Variants in FAT1 observed in about 807,000 individuals in gnomAD.
FAT1 encodes FAT atypical cadherin 1, also known as protocadherin Fat 1.
In FAT1, 171 loss-of-function variants were observed where a neutral mutation model predicts 329.8. That is an observed-to-expected ratio of 0.52 (90% confidence interval 0.46 to 0.59). The LOEUF (loss-of-function observed/expected upper bound fraction) is 0.59. Among genes scored for constraint, FAT1 ranks in the 20% least tolerant of loss-of-function variants. FAT1 has a pLI of 0.00. For missense variants in FAT1, 5,672 were observed against 5,774.4 expected, an observed-to-expected ratio of 0.98 and a Z score of 0.57; for synonymous variants, 2,233 against 2,228.6, an observed-to-expected ratio of 1.00 and a Z score of -0.06.
In FAT1 at chr4:186,628,318, A is replaced by C. The variant is rs2126542981; in HGVS notation, c.4646T>G (p.Val1549Gly). 1.2e-6 allele frequency: 2 copies of C among 1,613,512 alleles called. No homozygotes were observed. Among genetic ancestry groups the C allele is most frequent in the Non-Finnish European group, 1.7e-6 (2 of 1,179,678 alleles). ...GTCATTCGTGTCGCTGACATTGACC[A>C]CAATCCTTGCAAAGTTGCGTTTTAC... ...VPVKRNFARI[V>G]VNVSDTNDHA... The change falls in exon 9 of 27, where the codon GTG (valine) becomes GGG (glycine). Residue 1549 changes from valine to glycine, a missense_variant. Physicochemically the swap from Val to Gly is moderately radical, Grantham distance 109 (BLOSUM62 -3). This residue lies in a region of FAT1 where 3,966 missense variants were observed against 3,915.2 expected (regional missense o/e 1.01). Coordinates refer to ENST00000441802, the MANE Select transcript of FAT1 (RefSeq NM_005245.4).
Position 186,596,420 on chromosome 4 carries a change from G to A in FAT1, c.13000+120C>T. 1.7e-6 allele frequency: 2 copies of A among 1,143,178 alleles called. No individual in the cohort carries two copies. The highest frequency in any genetic ancestry group is 2.5e-6 in the Non-Finnish European group (2 of 816,102). 70.8% of individuals were successfully genotyped at this position (1,143,178 alleles called of 1,614,324 possible). On this transcript the variant is annotated intron_variant, in intron 25 of 26. Transcript: ENST00000441802. The surrounding 1 kb of genome is among the most constrained non-coding windows in gnomAD (Gnocchi z 4.7). ...CAAAAAAGTTTCAAATCATCATACG[G>A]ATTTCAGTCTGAGCATACTTGTCTC...
rs1401735284 is a variant in FAT1, at chr4:186,613,115, C to A, written c.9457G>T (p.Asp3153Tyr). The change falls in exon 13 of 27, where the codon GAC (aspartate) becomes TAC (tyrosine). Residue 3153 changes from aspartate (D) to tyrosine (Y), a missense_variant. By Grantham distance (160) the Asp-to-Tyr change is radical. Coordinates refer to ENST00000441802, the MANE Select transcript of FAT1 (RefSeq NM_005245.4). ...LLTRVQATDA[D>Y]AGLNRKILYS... The stretch of plus-strand genomic sequence containing the variant: ...GAGCATTCCCGGGAGATACCTGCGT[C>A]GGCATCTGTGGCCTGCACTCTTGTC... 1 of 1,605,926 alleles carries A rather than the reference C, an allele frequency of 6.2e-7. No homozygotes were observed. The highest frequency in any genetic ancestry group is 1.3e-5 in the African/African-American group (1 of 74,816).
chr4:186,618,819 G>T lies in FAT1; in HGVS notation c.7767C>A (p.Asp2589Glu). 6.2e-7 allele frequency: 1 copy of T among 1,614,004 alleles called. No individual in the cohort carries two copies. The highest frequency in any genetic ancestry group is 8.5e-7 in the Non-Finnish European group (1 of 1,179,882). ...CTCGAAATTGTGGTGCATTGTCATT[G>T]TCATCTGTAAGGATGACATTCACGG... ...FCTVNVILTD[D>E]NDNAPQFRAT... The change falls in exon 10 of 27, where the codon GAC (aspartate) becomes GAA (glutamate). Residue 2589 changes from aspartate to glutamate, a missense_variant. Asp to Glu is a conservative substitution (Grantham distance 45). This residue lies in a region of FAT1 where 3,966 missense variants were observed against 3,915.2 expected (regional missense o/e 1.01). Transcript: ENST00000441802.
chr4:186,627,995 T>C (rs1317889846), intron 9 of FAT1, 159 bp downstream of exon 9: 3 of 783,478 alleles, frequency 3.8e-6, no homozygotes, highest in Middle Eastern at 3.2e-4. Flanking sequence ...AAAAAAAAAA[T>C]TCCTTTCTCC....
Position 186,707,532 on chromosome 4 carries a change from T to G in FAT1, c.2296A>C (p.Met766Leu), listed in dbSNP as rs1432396432. The change falls in exon 2 of 27, where the codon ATG (methionine) becomes CTG (leucine). Residue 766 changes from methionine (M) to leucine (L), a missense_variant. Transcript: ENST00000441802. ...VSGGNEDSCFMIDMETGMLKI... is the reference protein window; with the variant it reads ...VSGGNEDSCFLIDMETGMLKI... ...AGCATTCCTGTTTCCATATCAATCA[T>G]GAAGCAACTATCCTCATTTCCTCCA... The G allele has an allele frequency of 6.2e-7, 1 of 1,614,048 alleles. No individual in the cohort carries two copies. The highest frequency in any genetic ancestry group is 8.5e-7 in the Non-Finnish European group (1 of 1,179,902).
chr4:186,638,571 G>A (rs552963677), intron 4 of FAT1, among the ~76,000 whole-genome samples: 1 of 151,942 alleles, frequency 6.6e-6, no homozygotes, highest in African/African-American at 2.4e-5. Flanking sequence ...AAAGCACTGT[G>A]GCTGTGAAAC....
At chr4:186,702,244 G>A (rs946238357) in intron 2 of FAT1, among the ~76,000 whole-genome samples, 4 of 152,176 alleles carry the variant, frequency 2.6e-5, no homozygotes, top group Non-Finnish European at 4.4e-5. Flanking sequence ...TTGTGACAAC[G>A]GCTGTACTTC....
rs780925038 is a variant in FAT1, at chr4:186,621,277, T to C, written c.5309A>G (p.Tyr1770Cys). 7.6e-5 allele frequency: 122 copies of C among 1,613,944 alleles called. 1 individual carries two copies. The highest frequency in any genetic ancestry group is 2.0e-4 in the Admixed American group (12 of 60,012). ...GGCTGATTCACTAATGAGTCCTGTA[T>C]ATTCTGCCTGCATAAAAACTGGCGC... is the stretch of plus-strand genomic sequence containing the variant. Reference protein sequence around the residue: ...DNAPVFMQAEYTGLISESASI... With the variant: ...DNAPVFMQAECTGLISESASI... Residue 1770 changes from tyrosine (Y) to cysteine (C), a missense_variant, in exon 10 of 27, where the codon TAT becomes TGT. Tyr to Cys is a radical substitution (Grantham distance 194). Around this residue, in one of 2 missense-constraint regions of FAT1, gnomAD observed 3,966 missense variants for 3,915.2 expected, o/e 1.01. Transcript: ENST00000441802.
chr4:186,611,604 G>A lies in FAT1; in HGVS notation c.9635C>T (p.Ala3212Val), dbSNP rs1157129991. ...AACTGATACAATCACAGTGCCAGTG[G>A]CAGTCAGCCTCCTTGGCAAGCCTTG... ...VDQGLPRRLT[A>V]TGTVIVSVLD... The change falls in exon 14 of 27, where the codon GCC becomes GTC. Residue 3212 changes from alanine to valine, a missense_variant. Ala to Val is a moderately conservative substitution (Grantham distance 64). This residue lies in a region of FAT1 where 1,706 missense variants were observed against 1,859.1 expected (regional missense o/e 0.92). Transcript: ENST00000441802. The A allele has an allele frequency of 6.2e-7, 1 of 1,613,598 alleles. No individual in the cohort carries two copies. Among genetic ancestry groups the A allele is most frequent in the South Asian group, 1.1e-5 (1 of 91,024 alleles).
chr4:186,651,819 C>T (rs923740019), intron 3 of FAT1, among the ~76,000 whole-genome samples: 3 of 152,208 alleles, frequency 2.0e-5, no homozygotes, highest in African/African-American at 4.8e-5. Context: ...AGCACCGCAC[C>T]GTCTTTACTC....
intron 26 of FAT1, among the ~76,000 whole-genome samples, chr4:186,593,436 C>T (rs370161438): frequency 3.9e-5 from 6 of 152,182 alleles, no homozygotes; most frequent in African/African-American, 7.2e-5. Context: ...AAATAGTCCA[C>T]GTCCTAATCC....
intron 20 of FAT1, among the ~76,000 whole-genome samples, chr4:186,602,607 A>T (rs922065947): frequency 6.6e-6 from 1 of 152,196 alleles, no homozygotes; most frequent in African/African-American, 2.4e-5. Context: ...GTGAGATATG[A>T]TCACTCTTGA....
At position 186,620,822 on chromosome 4, in the gene FAT1, T is replaced by C; in HGVS notation, c.5764A>G (p.Asn1922Asp). 6.2e-7 allele frequency: 1 copy of C among 1,614,052 alleles called. No homozygotes were observed. The highest frequency in any genetic ancestry group is 8.5e-7 in the Non-Finnish European group (1 of 1,179,906). ...TCCATAGAAAACTTCTCCCCGATGT[T>C]GCCTTCGGTGATGGAGTAAATCAAC... ...SQLIYSITEG[N>D]IGEKFSMDYK... is the part of the protein sequence containing the mutation. The change falls in exon 10 of 27, where the codon AAC (asparagine) becomes GAC (aspartate). Residue 1922 changes from asparagine (N) to aspartate (D), a missense_variant. Physicochemically the swap from Asn to Asp is conservative, Grantham distance 23. Transcript: ENST00000441802.
At chr4:186,661,399 G>A (rs1742163972) in intron 3 of FAT1, among the ~76,000 whole-genome samples, 1 of 152,190 alleles carries the variant, frequency 6.6e-6, no homozygotes, top group African/African-American at 2.4e-5. Flanking sequence ...ACAGGCCTTT[G>A]TCAACCACAT....
At chr4:186,659,442 A>G (rs2126609383) in intron 3 of FAT1, among the ~76,000 whole-genome samples, 1 of 152,354 alleles carries the variant, frequency 6.6e-6, no homozygotes, top group Non-Finnish European at 1.5e-5. Context: ...AAGTGGGCCC[A>G]CTTTATTCTA....
intron 9 of FAT1, among the ~76,000 whole-genome samples, chr4:186,624,201 A>G (rs910094155): frequency 1.5e-5 from 2 of 133,008 alleles, no homozygotes; most frequent in African/African-American, 2.8e-5. Flanking sequence ...CTTTAGCTAC[A>G]ATATGAGTGA....
At chr4:186,652,906 TTTAG>T (rs1373149354) in intron 3 of FAT1, among the ~76,000 whole-genome samples, 1 of 152,246 alleles carries the variant, frequency 6.6e-6, no homozygotes, top group Non-Finnish European at 1.5e-5. Flanking sequence ...TACTGCGTGC[TTTAG>T]GGATTACCAC....
chr4:186,644,235 C>T (rs566822931), intron 3 of FAT1, among the ~76,000 whole-genome samples: 2 of 151,976 alleles, frequency 1.3e-5, no homozygotes, highest in African/African-American at 2.4e-5. Flanking sequence ...TAAACTGTAA[C>T]GAAAAAACCA....
intron 9 of FAT1, among the ~76,000 whole-genome samples, chr4:186,625,852 G>A (rs370669612): frequency 1.3e-5 from 2 of 152,224 alleles, no homozygotes; most frequent in African/African-American, 2.4e-5. Flanking sequence ...TACAAGACAC[G>A]CATTGTGGAC....
Sources: gnomAD v4.1 joint callset for allele counts (sites outside exome capture counted in the v4.1 genomes callset) on GRCh38, gnomAD v4.1.1 for gene constraint, gnomAD v4.1.1 regional missense constraint, Gnocchi (gnomAD v3.1) non-coding constraint, MANE v1.5 for transcripts, NCBI Gene and HGNC (gene_info 2026-07-23, HGNC 2026-07-21) for gene names.